Variants in NEDD8 observed in about 807,000 individuals in gnomAD.
The protein encoded by NEDD8 is ubiquitin-like protein NEDD8.
In NEDD8, 1 loss-of-function variant was observed where a neutral mutation model predicts 13.8. The observed-to-expected ratio is 0.07, with a 90% CI of 0.03 to 0.34. The LOEUF (loss-of-function observed/expected upper bound fraction) is 0.34. Among genes scored for constraint, NEDD8 ranks in the 10% least tolerant of loss-of-function variants. The probability of loss-of-function intolerance (pLI) is 0.99; values close to 1 mark genes in which losing one functional copy is unlikely to be tolerated. For synonymous variants in NEDD8, 31 were observed against 33.2 expected (o/e 0.93, Z 0.23); for missense variants, 10 against 95.2 (o/e 0.10, Z 3.73).
chr14:24,222,817 G>A (rs1566666345), intron 1 of NEDD8, among the ~76,000 whole-genome samples: 2 of 151,980 alleles, frequency 1.3e-5, no homozygotes, highest in Admixed American at 6.6e-5. Flanking sequence ...GGCTGGGTGC[G>A]GTGGCTCACA....
At chr14:24,227,497 C>T (rs1350651279) in intron 1 of NEDD8, 5 of 151,898 alleles carry the variant, frequency 3.3e-5, no homozygotes, top group Non-Finnish European at 7.4e-5. Flanking sequence ...GACCCGAGAC[C>T]AGAATGAGGG....
intron 1 of NEDD8, among the ~76,000 whole-genome samples, chr14:24,221,612 T>A (rs1186962939): frequency 6.6e-6 from 1 of 151,500 alleles, no homozygotes; most frequent in African/African-American, 2.4e-5. Context: ...TTATTTATTT[T>A]GAGATGGAGT....
At chr14:24,222,876 A>C (rs2039829602) in intron 1 of NEDD8, among the ~76,000 whole-genome samples, 1 of 152,092 alleles carries the variant, frequency 6.6e-6, no homozygotes, top group South Asian at 2.1e-4. Flanking sequence ...TCACGAGGTC[A>C]GGAGTTTGAG....
intron 1 of NEDD8, among the ~76,000 whole-genome samples, chr14:24,231,287 C>T (rs547273431): frequency 6.6e-6 from 1 of 152,302 alleles, no homozygotes; most frequent in Non-Finnish European, 1.5e-5. Context: ...AAAAAATCAT[C>T]TTTAACATAC....
At chr14:24,220,002 G>A (rs2039777635) in intron 1 of NEDD8, among the ~76,000 whole-genome samples, 1 of 152,154 alleles carries the variant, frequency 6.6e-6, no homozygotes, top group African/African-American at 2.4e-5. Context: ...AGCCAGGCGT[G>A]GTGGCGCATG....
At chr14:24,230,878 A>G (rs987851588) in intron 1 of NEDD8, among the ~76,000 whole-genome samples, 5 of 151,822 alleles carry the variant, frequency 3.3e-5, no homozygotes, top group African/African-American at 1.2e-4. Context: ...TCGGCCTCCC[A>G]AAGTGCTGGG....
At chr14:24,227,433 G>A (rs143030996) in intron 1 of NEDD8, 238 of 152,194 alleles carry the variant, frequency 1.6e-3, no homozygotes, top group African/African-American at 5.3e-3. Flanking sequence ...GGGATATGAC[G>A]GTAGGAAAAC....
At chr14:24,223,400 A>C (rs2039839127) in intron 1 of NEDD8, among the ~76,000 whole-genome samples, 1 of 151,970 alleles carries the variant, frequency 6.6e-6, no homozygotes, top group African/African-American at 2.4e-5. Context: ...CCCTATCTCC[A>C]AAAAAAACCC....
At position 24,217,100 on chromosome 14, in the gene NEDD8, G is replaced by A. The variant is rs2039716138; in HGVS notation, c.*27C>T. 1 of 1,580,722 alleles carries A rather than the reference G, an allele frequency of 6.3e-7. No individual in the cohort carries two copies. The highest frequency in any genetic ancestry group is 8.7e-7 in the Non-Finnish European group (1 of 1,153,664). ...ATATGATGCCTCATTATGAGCGACA[G>A]GGTAAAGAGGTAAAATGGAGGGTCC... On this transcript the variant is annotated 3_prime_UTR_variant, in exon 4 of 4. Transcript: ENST00000250495.
intron 1 of NEDD8, among the ~76,000 whole-genome samples, chr14:24,226,401 G>A (rs140878451): frequency 0.011 from 1,584 of 144,770 alleles, 19 homozygotes; most frequent in African/African-American, 0.028. Context: ...AGCCGAGATC[G>A]TGCCACCGCA....
At chr14:24,226,445 C>CA (rs34325177) in intron 1 of NEDD8, among the ~76,000 whole-genome samples, 256 of 109,252 alleles carry the variant, frequency 2.3e-3, no homozygotes, top group East Asian at 3.4e-3. Context: ...GACTCCATCT[C>CA]AAAAAAAAAA....
chr14:24,217,285 TG>T (rs1468908043), intron 3 of NEDD8, 62 bp from the exon 4 acceptor site: 63 of 1,281,166 alleles, frequency 4.9e-5, no homozygotes, highest in Non-Finnish European at 6.7e-5. Context: ...TTGTTGTTGT[TG>T]TTGTTGTTGT....
Position 24,226,431 on chromosome 14 carries a change from G to C in NEDD8, c.18+5819C>G, listed in dbSNP as rs2039892161. On this transcript the variant is annotated intron_variant, in intron 1 of 3. Coordinates refer to ENST00000250495, the MANE Select transcript of NEDD8 (RefSeq NM_006156.3). Reference sequence around the variant, plus strand: ...ACCGCACTCCAGCCTGGGTGACAGAGGGAGACTCCATCTCAAAAAAAAAAA... The same window carrying C: ...ACCGCACTCCAGCCTGGGTGACAGACGGAGACTCCATCTCAAAAAAAAAAA... 2.2e-5 allele frequency among the ~76,000 whole-genome samples: 3 copies of C among 137,538 alleles called. No individual in the cohort carries two copies. In the South Asian group the frequency reaches 6.8e-4, roughly 31 times the overall value. 90.2% of individuals were successfully genotyped at this position (137,538 alleles called of 152,430 possible).
At chr14:24,219,281 G>A (rs1169459734) in intron 1 of NEDD8, among the ~76,000 whole-genome samples, 1 of 150,528 alleles carries the variant, frequency 6.6e-6, no homozygotes, top group Admixed American at 6.6e-5. Context: ...GGACAACACA[G>A]CGAAACCCTG....
chr14:24,227,058 C>G (rs2039901899), intron 1 of NEDD8: 1 of 152,094 alleles, frequency 6.6e-6, no homozygotes, highest in African/African-American at 2.4e-5. Context: ...ATGAAAGAAG[C>G]CAGATACAAA....
chr14:24,232,008 G>A, intron 1 of NEDD8: 1 of 570,900 alleles, frequency 1.8e-6, no homozygotes, highest in East Asian at 3.1e-5. Context: ...CTGGGTGATA[G>A]CACAGTCCTG....
rs769184357 is a variant in NEDD8 at position 24,218,123 on chromosome 14, C to G, written c.149+10G>C. On this transcript the variant is annotated intron_variant, in intron 3 of 3. Transcript: ENST00000250495. ...AGATCGCCATGCTGTCATTCTCACT[C>G]CAAACTCACATCTGCTTGCCACTGT... 3 of 1,614,004 alleles carry G rather than the reference C, an allele frequency of 1.9e-6. No individual in the cohort carries two copies. Among genetic ancestry groups the G allele is most frequent in the Middle Eastern group, 3.3e-4 (2 of 6,060 alleles).
intron 1 of NEDD8, chr14:24,228,521 C>T (rs1453449960): frequency 6.6e-6 from 1 of 151,874 alleles, no homozygotes. Context: ...TTTAGACTAG[C>T]GTGGGCAACA....
chr14:24,218,219 T>A lies in NEDD8; in HGVS notation c.67-4A>T. ...CACGCTCCTTGATTCGCTCCACCTT[T>A]AGAGAGACAAGTAGTCAGGGGCTGC... On this transcript the variant is annotated splice_polypyrimidine_tract_variant and splice_region_variant and intron_variant, in intron 2 of 3. Transcript: ENST00000250495. 6.2e-7 allele frequency: 1 copy of A among 1,614,144 alleles called. No individual in the cohort carries two copies. The highest frequency in any genetic ancestry group is 8.5e-7 in the Non-Finnish European group (1 of 1,180,038).
Sources: allele counts gnomAD v4.1 joint callset (sites outside exome capture counted in the v4.1 genomes callset), GRCh38; gene constraint gnomAD v4.1.1; transcripts MANE v1.5; gene names NCBI Gene and HGNC (gene_info 2026-07-23, HGNC 2026-07-21).